Variants in ACOXL observed in about 807,000 individuals in gnomAD.
ACOXL encodes acyl-CoA oxidase like, also known as acyl-coenzyme A oxidase-like protein.
ACOXL carries 70 observed loss-of-function variants against 71.9 expected under a neutral mutation model. The ratio of observed to expected loss-of-function variants is 0.97; its 90% CI spans 0.80 to 1.19. ACOXL has a LOEUF of 1.19. Among genes scored for constraint, ACOXL ranks in the 50% most tolerant of loss-of-function variants. The probability of loss-of-function intolerance (pLI) is 0.00; values close to 1 mark genes in which losing one functional copy is unlikely to be tolerated. For synonymous variants in ACOXL, 253 were observed against 281.6 expected (o/e 0.90, Z 1.02); for missense variants, 703 against 736.3 (o/e 0.95, Z 0.52).
chr2:111,017,142 CT>C (rs1438671245), intron 14 of ACOXL, among the ~76,000 whole-genome samples: 2 of 152,218 alleles, frequency 1.3e-5, no homozygotes, highest in Non-Finnish European at 2.9e-5. Flanking sequence ...AAGTTCCCCC[CT>C]GATTAGGGAG....
chr2:110,745,192 C>A (rs962637572), intron 1 of ACOXL, among the ~76,000 whole-genome samples: 1 of 152,212 alleles, frequency 6.6e-6, no homozygotes, highest in African/African-American at 2.4e-5. Flanking sequence ...GTGGCACTTT[C>A]AGGAATCCCC....
At chr2:110,995,651 C>A (rs6542248) in intron 13 of ACOXL, among the ~76,000 whole-genome samples, 136,604 of 152,066 alleles carry the variant, frequency 0.9, 61,609 homozygotes, top group African/African-American at 0.97. Flanking sequence ...GTAAGTGGAA[C>A]AATTAGGAAA....
chr2:110,766,564 G>A (rs549681827), intron 1 of ACOXL, among the ~76,000 whole-genome samples: 175 of 152,292 alleles, frequency 1.1e-3, no homozygotes, highest in Non-Finnish European at 2.2e-3. Context: ...GGTATGGGAT[G>A]GAAGGTCAGT....
chr2:110,772,990 G>T (rs763429515), intron 2 of ACOXL, among the ~76,000 whole-genome samples: 5 of 152,102 alleles, frequency 3.3e-5, no homozygotes, highest in Non-Finnish European at 5.9e-5. Flanking sequence ...TAAAAATTAT[G>T]CAATATGGTA....
At chr2:110,838,488 G>C (rs1044430776) in intron 9 of ACOXL, among the ~76,000 whole-genome samples, 3 of 152,178 alleles carry the variant, frequency 2.0e-5, no homozygotes, top group Admixed American at 6.5e-5. Flanking sequence ...AGGCCTAGGA[G>C]GAAAAGCATC....
intron 11 of ACOXL, among the ~76,000 whole-genome samples, chr2:110,920,500 C>T (rs1232137679): frequency 1.3e-5 from 2 of 152,010 alleles, no homozygotes; most frequent in African/African-American, 4.8e-5. Flanking sequence ...TTTTTATTTG[C>T]AAATGTTTTC....
At chr2:111,004,362 G>A (rs1372168178) in intron 14 of ACOXL, among the ~76,000 whole-genome samples, 1 of 152,156 alleles carries the variant, frequency 6.6e-6, no homozygotes, top group African/African-American at 2.4e-5. Context: ...TTACCCGGGA[G>A]CAAGTGAGAA....
chr2:110,822,357 C>T (rs909631897), intron 9 of ACOXL, among the ~76,000 whole-genome samples: 3 of 152,176 alleles, frequency 2.0e-5, no homozygotes, highest in Non-Finnish European at 4.4e-5. Context: ...CCTACTCCAA[C>T]AGTGAGAAAT....
intron 13 of ACOXL, among the ~76,000 whole-genome samples, chr2:110,990,988 C>G (rs533867734): frequency 6.6e-6 from 1 of 152,092 alleles, no homozygotes; most frequent in Non-Finnish European, 1.5e-5. Context: ...AGTTTTACAT[C>G]TCTCATAGAG....
At chr2:110,955,079 A>C (rs2061448277) in intron 12 of ACOXL, among the ~76,000 whole-genome samples, 1 of 152,120 alleles carries the variant, frequency 6.6e-6, no homozygotes, top group African/African-American at 2.4e-5. Flanking sequence ...ATAAATATAA[A>C]TTTGGTTGTA....
At chr2:111,091,836 G>A (rs1195231019) in intron 16 of ACOXL, among the ~76,000 whole-genome samples, 1 of 152,206 alleles carries the variant, frequency 6.6e-6, no homozygotes, top group Non-Finnish European at 1.5e-5. Context: ...TAATGATGCT[G>A]TTCCAAGGAT....
At chr2:110,738,337 C>CAT (rs1181745456) in intron 1 of ACOXL, among the ~76,000 whole-genome samples, 1 of 152,212 alleles carries the variant, frequency 6.6e-6, no homozygotes, top group Non-Finnish European at 1.5e-5. Flanking sequence ...TGCAGTCTTA[C>CAT]ATAGCCATAG....
intron 14 of ACOXL, among the ~76,000 whole-genome samples, chr2:111,028,898 A>G (rs1276508936): frequency 2.0e-5 from 3 of 152,200 alleles, no homozygotes; most frequent in Non-Finnish European, 2.9e-5. Context: ...AGGTTTTGCC[A>G]GGGAACTAAC....
intron 16 of ACOXL, among the ~76,000 whole-genome samples, chr2:111,067,644 C>G (rs1045902533): frequency 1.3e-5 from 2 of 152,150 alleles, no homozygotes; most frequent in African/African-American, 4.8e-5. Flanking sequence ...ACATTATTTA[C>G]AGCCAAAATT....
intron 12 of ACOXL, among the ~76,000 whole-genome samples, chr2:110,986,712 C>G (rs1023833612): frequency 3.3e-5 from 5 of 152,152 alleles, no homozygotes; most frequent in African/African-American, 4.8e-5. Context: ...TTGTGCATTT[C>G]AATACTATTC....
chr2:110,886,657 G>C, intron 10 of ACOXL: 1 of 1,271,876 alleles, frequency 7.9e-7, no homozygotes, highest in South Asian at 1.4e-5. Flanking sequence ...GGGATTACAG[G>C]CTTGAGCCAC....
intron 12 of ACOXL, among the ~76,000 whole-genome samples, chr2:110,954,038 T>C (rs568496610): frequency 2.0e-5 from 3 of 152,362 alleles, no homozygotes; most frequent in Non-Finnish European, 4.4e-5. Flanking sequence ...TCAGTCTCAT[T>C]ATTTTGACAT....
intron 12 of ACOXL, among the ~76,000 whole-genome samples, chr2:110,959,467 C>G (rs566138051): frequency 1.3e-5 from 2 of 152,298 alleles, no homozygotes; most frequent in East Asian, 3.9e-4. Flanking sequence ...TTTCCTCCTT[C>G]TCCACTTCCT....
intron 14 of ACOXL, among the ~76,000 whole-genome samples, chr2:111,009,522 A>G (rs1467383435): frequency 6.6e-6 from 1 of 151,942 alleles, no homozygotes; most frequent in Non-Finnish European, 1.5e-5. Flanking sequence ...TCAAAAAAAA[A>G]AAAAAAGAAA....
Sources: allele counts gnomAD v4.1 joint callset (sites outside exome capture counted in the v4.1 genomes callset), GRCh38; gene constraint gnomAD v4.1.1; transcripts MANE v1.5; gene names NCBI Gene and HGNC (gene_info 2026-07-23, HGNC 2026-07-21).